Variants in ERC2 observed in about 807,000 individuals in gnomAD.
ERC2 encodes ERC protein 2.
ERC2 carries 42 observed loss-of-function variants against 114.8 expected under a neutral mutation model. The observed-to-expected ratio is 0.37, with a 90% CI of 0.29 to 0.47. The LOEUF (loss-of-function observed/expected upper bound fraction) is 0.47, where lower values mean the gene tolerates loss of function less well. ERC2 is among the 20% of genes least tolerant of loss of function. ERC2 has a pLI of 0.99. For synonymous variants in ERC2, 454 were observed against 425.5 expected, an observed-to-expected ratio of 1.07 and a Z score of -0.82; for missense variants, 939 against 1,150.7, an observed-to-expected ratio of 0.82 and a Z score of 2.66.
intron 4 of ERC2, among the ~76,000 whole-genome samples, chr3:56,166,901 T>C (rs746574638): frequency 6.6e-6 from 1 of 152,086 alleles, no homozygotes; most frequent in Non-Finnish European, 1.5e-5. Flanking sequence ...ATGTTAGCTT[T>C]TATGTTTATT....
At chr3:56,058,715 T>A (rs2076116792) in intron 7 of ERC2, among the ~76,000 whole-genome samples, 1 of 152,148 alleles carries the variant, frequency 6.6e-6, no homozygotes, top group Admixed American at 6.5e-5. Flanking sequence ...CAACATCAGC[T>A]CTTCCCGGTT....
intron 14 of ERC2, among the ~76,000 whole-genome samples, chr3:55,826,927 A>G (rs1384566688): frequency 2.6e-5 from 4 of 152,220 alleles, no homozygotes; most frequent in African/African-American, 9.6e-5. Context: ...AGTGGTTATC[A>G]CTGAAGAGCC....
rs59064649 is a variant in ERC2, at chr3:56,014,994, T to C, written c.1779+3900A>G. 5.5e-3 allele frequency among the ~76,000 whole-genome samples: 834 copies of C among 152,330 alleles called. 9 individuals carry two copies. The highest frequency in any genetic ancestry group is 0.019 in the African/African-American group (791 of 41,576). On this transcript the variant is annotated intron_variant, in intron 8 of 17. Transcript: ENST00000288221. ...TTATAAGCTTTCAAGTAAAACCTTATCATTCTTATAATTTAATCCTGAAGT... is the reference window on the plus strand; with the variant it reads ...TTATAAGCTTTCAAGTAAAACCTTACCATTCTTATAATTTAATCCTGAAGT...
At chr3:55,912,157 C>T (rs1300099095) in intron 13 of ERC2, among the ~76,000 whole-genome samples, 1 of 152,124 alleles carries the variant, frequency 6.6e-6, no homozygotes, top group African/African-American at 2.4e-5. Flanking sequence ...AGACCAGAAC[C>T]AGCATAGTAT....
chr3:55,649,741 T>C (rs554132477), intron 17 of ERC2, among the ~76,000 whole-genome samples: 133 of 152,240 alleles, frequency 8.7e-4, no homozygotes, highest in Non-Finnish European at 1.4e-3. Flanking sequence ...CATTTCCCCA[T>C]GGAGCCAGGG....
chr3:56,442,142 T>A (rs1314322789), intron 1 of ERC2, among the ~76,000 whole-genome samples: 2 of 152,194 alleles, frequency 1.3e-5, no homozygotes, highest in Non-Finnish European at 2.9e-5. Context: ...CATCTCCTCT[T>A]GAGGCTACAA....
intron 2 of ERC2, among the ~76,000 whole-genome samples, chr3:56,403,670 A>G (rs1049564936): frequency 6.6e-6 from 1 of 152,200 alleles, no homozygotes; most frequent in Non-Finnish European, 1.5e-5. Flanking sequence ...TGTGCATCCT[A>G]AAGTTTGAGA....
intron 1 of ERC2, chr3:56,467,130 T>TCCC (rs1421206145): frequency 1.3e-5 from 2 of 152,178 alleles, no homozygotes; most frequent in Admixed American, 6.5e-5. Flanking sequence ...CACAGCTGTA[T>TCCC]CCCCATACCA....
chr3:55,691,555 AAAAAAAAAAAAAAAAAAAATATAT>A (rs1478995226), intron 16 of ERC2, among the ~76,000 whole-genome samples: 11 of 42,606 alleles, frequency 2.6e-4, no homozygotes, highest in African/African-American at 7.8e-4. Context: ...AAAAAAAAAA[AAAAAAAAAAAAAAAAAAAATATAT>A]ATATATATAT....
At chr3:56,004,110 A>C (rs1453319858) in intron 10 of ERC2, among the ~76,000 whole-genome samples, 1 of 152,044 alleles carries the variant, frequency 6.6e-6, no homozygotes, top group African/African-American at 2.4e-5. Context: ...CTCAGGTATA[A>C]TATTAATTGA....
At chr3:56,369,605 C>T (rs2059284602) in intron 2 of ERC2, among the ~76,000 whole-genome samples, 1 of 152,222 alleles carries the variant, frequency 6.6e-6, no homozygotes, top group African/African-American at 2.4e-5. Context: ...TAACCAGATG[C>T]TCCGGTTGTA....
At chr3:56,450,953 A>G (rs929698300) in intron 1 of ERC2, among the ~76,000 whole-genome samples, 1 of 152,218 alleles carries the variant, frequency 6.6e-6, no homozygotes, top group Non-Finnish European at 1.5e-5. Context: ...TGCTGATTAT[A>G]ACAACATTAT....
intron 4 of ERC2, among the ~76,000 whole-genome samples, chr3:56,172,979 C>T (rs898216280): frequency 5.3e-5 from 8 of 152,072 alleles, no homozygotes; most frequent in Non-Finnish European, 1.0e-4. Flanking sequence ...ATACTGGGGT[C>T]ACCAGAAAGT....
chr3:56,464,577 T>A (rs773111462), intron 1 of ERC2, among the ~76,000 whole-genome samples: 2 of 152,246 alleles, frequency 1.3e-5, no homozygotes, highest in Non-Finnish European at 2.9e-5. Context: ...TAGCATGTCT[T>A]ATATCTTCAT....
chr3:55,730,707 C>A (rs374807646), intron 15 of ERC2, among the ~76,000 whole-genome samples: 2 of 152,142 alleles, frequency 1.3e-5, no homozygotes, highest in East Asian at 3.9e-4. Context: ...CCCATTTCTA[C>A]AAAAAAATAC....
intron 10 of ERC2, among the ~76,000 whole-genome samples, chr3:56,000,727 A>G (rs993795597): frequency 2.9e-4 from 44 of 152,150 alleles, no homozygotes; most frequent in African/African-American, 1.0e-3. Flanking sequence ...AACTTAAGAT[A>G]GTAGGAACTA....
intron 12 of ERC2, among the ~76,000 whole-genome samples, chr3:55,977,496 G>A (rs1234944322): frequency 6.6e-6 from 1 of 152,180 alleles, no homozygotes; most frequent in Non-Finnish European, 1.5e-5. Flanking sequence ...ATTGTCACTT[G>A]TAATAAAATA....
chr3:56,110,868 T>C (rs1242601516), intron 6 of ERC2, among the ~76,000 whole-genome samples: 1 of 152,178 alleles, frequency 6.6e-6, no homozygotes, highest in East Asian at 1.9e-4. Context: ...TTTGACTGCA[T>C]CTCATGTCTG....
At chr3:55,811,878 G>T (rs1055945296) in intron 14 of ERC2, among the ~76,000 whole-genome samples, 1 of 151,994 alleles carries the variant, frequency 6.6e-6, no homozygotes, top group Non-Finnish European at 1.5e-5. Context: ...TAAGTTCCAG[G>T]ATACATACAC....
Sources: allele counts gnomAD v4.1 joint callset (sites outside exome capture counted in the v4.1 genomes callset), GRCh38; gene constraint gnomAD v4.1.1; transcripts MANE v1.5; gene names NCBI Gene and HGNC (gene_info 2026-07-23, HGNC 2026-07-21).